The following MID2 variants were observed in gnomAD, a reference collection of about 807,000 sequenced individuals.
The protein encoded by MID2 is probable E3 ubiquitin-protein ligase MID2.
A neutral mutation model predicts 46.1 loss-of-function variants in MID2; 13 were observed. That is an observed-to-expected ratio of 0.28 (90% CI 0.18 to 0.45). MID2 has a LOEUF of 0.45. MID2 is among the 20% of genes least tolerant of loss of function. The probability of loss-of-function intolerance (pLI) is 1.00; values close to 1 mark genes in which losing one functional copy is unlikely to be tolerated. For synonymous variants in MID2, 199 were observed against 212.3 expected (o/e 0.94, Z 0.55); for missense variants, 431 against 575.4 (o/e 0.75, Z 2.57).
chrX:107,852,920 A>G (rs1305508992), intron 2 of MID2, among the ~76,000 whole-genome samples: 1 of 111,676 alleles, frequency 9.0e-6, no homozygotes, highest in Middle Eastern at 4.6e-3. Flanking sequence ...AGCACTTAAC[A>G]TGACTGAGGG....
intron 2 of MID2, among the ~76,000 whole-genome samples, chrX:107,849,354 A>T (rs1017611667): frequency 3.4e-4 from 38 of 111,486 alleles, no homozygotes; most frequent in African/African-American, 1.2e-3. Context: ...ATCATGGTCC[A>T]GTTTGTGCCA....
intron 1 of MID2, among the ~76,000 whole-genome samples, chrX:107,837,726 A>G (rs746386369): frequency 1.8e-5 from 2 of 111,197 alleles, no homozygotes; most frequent in Non-Finnish European, 1.9e-5. Flanking sequence ...CTGGGTATGT[A>G]TGTTTTTGGT....
At chrX:107,849,013 C>A (rs1255056830) in intron 2 of MID2, among the ~76,000 whole-genome samples, 1 of 111,633 alleles carries the variant, frequency 9.0e-6, no homozygotes, top group Non-Finnish European at 1.9e-5. Flanking sequence ...TTCTGTCAAT[C>A]AGGAAGACTC....
chrX:107,854,384 A>C (rs1470199455), intron 2 of MID2, among the ~76,000 whole-genome samples: 1 of 112,577 alleles, frequency 8.9e-6, no homozygotes, highest in Admixed American at 9.4e-5. Context: ...AAATTCCTAC[A>C]TCCACAAAGT....
chrX:107,862,119 A>T (rs1345893200), intron 3 of MID2, among the ~76,000 whole-genome samples: 2 of 111,842 alleles, frequency 1.8e-5, no homozygotes, highest in Admixed American at 1.9e-4. Flanking sequence ...AAAGCTCAAT[A>T]AACGGTGGTG....
rs111724867 is a variant in MID2, at chrX:107,910,835, T to C, written c.1074-5167T>C. Among the ~76,000 whole-genome samples the C allele has an allele frequency of 1.2e-4, 6 of 48,729 alleles. 1 individual carries two copies. The highest frequency in any genetic ancestry group is 9.4e-4 in the East Asian group (2 of 2,132). 42.3% of individuals were successfully genotyped at this position (48,729 alleles called of 115,157 possible). A position where few individuals can be genotyped will look rare whatever the true frequency, so the allele number is the denominator to read the frequency against. ...TTCCTTTCCTTTCCTTTCCTTTCCTTTCCCTCTCTCTTTCTCCCTCTCTCT... is the reference window on the plus strand; with the variant it reads ...TTCCTTTCCTTTCCTTTCCTTTCCTCTCCCTCTCTCTTTCTCCCTCTCTCT... On this transcript the variant is annotated intron_variant, in intron 5 of 9. Coordinates refer to ENST00000262843, the MANE Select transcript of MID2 (RefSeq NM_012216.4).
intron 3 of MID2, among the ~76,000 whole-genome samples, chrX:107,861,627 GACAA>G (rs1165623008): frequency 2.7e-5 from 3 of 112,034 alleles, no homozygotes; most frequent in African/African-American, 9.7e-5. Context: ...TCTCAAAACA[GACAA>G]ACAAACAAAC....
intron 3 of MID2, among the ~76,000 whole-genome samples, chrX:107,874,309 T>A (rs1358331982): frequency 8.9e-6 from 1 of 111,773 alleles, no homozygotes; most frequent in African/African-American, 3.3e-5. Context: ...GGCAGTTGTC[T>A]GTTAGCCAGA....
intron 3 of MID2, among the ~76,000 whole-genome samples, chrX:107,885,655 A>T (rs191536368): frequency 0.017 from 1,932 of 111,550 alleles, 50 homozygotes; most frequent in African/African-American, 0.059. Context: ...GATGGCTGGG[A>T]CAAATGGTAT....
intron 3 of MID2, among the ~76,000 whole-genome samples, chrX:107,889,936 A>T (rs1231611991): frequency 8.9e-6 from 1 of 111,933 alleles, no homozygotes; most frequent in East Asian, 2.8e-4. Flanking sequence ...TGCATTCATC[A>T]CATAGTTCTC....
chrX:107,851,850 A>G (rs1411612118), intron 2 of MID2, among the ~76,000 whole-genome samples: 2 of 95,190 alleles, frequency 2.1e-5, no homozygotes, highest in Non-Finnish European at 4.2e-5. Flanking sequence ...TTATTTCTTT[A>G]TACTTTTTAT....
At chrX:107,835,811 CTT>C (rs769447997) in intron 1 of MID2, among the ~76,000 whole-genome samples, 1 of 111,812 alleles carries the variant, frequency 8.9e-6, no homozygotes, top group Non-Finnish European at 1.9e-5. Context: ...TGTGGGTTGT[CTT>C]TTTACTTCAT....
chrX:107,889,250 G>A (rs1488292254), intron 3 of MID2, among the ~76,000 whole-genome samples: 1 of 111,658 alleles, frequency 9.0e-6, no homozygotes, highest in Non-Finnish European at 1.9e-5. Context: ...ATTTTGCAGT[G>A]GCTGGTACCG....
intron 1 of MID2, among the ~76,000 whole-genome samples, chrX:107,837,503 G>A (rs1346297766): frequency 9.6e-6 from 1 of 104,657 alleles, no homozygotes; most frequent in African/African-American, 3.6e-5. Flanking sequence ...AAGAGAGACA[G>A]AGAGAGATAA....
chrX:107,926,018 G>A (rs1226952860), intron 8 of MID2, 76 bp from the exon 9 acceptor site: 16 of 751,382 alleles, frequency 2.1e-5, no homozygotes, highest in Non-Finnish European at 3.0e-5. Context: ...TGCCAGTGAT[G>A]ATGCTGGTGG....
intron 1 of MID2, among the ~76,000 whole-genome samples, chrX:107,827,246 T>C (rs1930976831): frequency 9.0e-6 from 1 of 111,694 alleles, no homozygotes; most frequent in African/African-American, 3.3e-5. Flanking sequence ...CCTGCAGTCG[T>C]TGTACTCTTT....
At chrX:107,841,993 A>AAAAACAAAAC (rs1008321315) in intron 2 of MID2, among the ~76,000 whole-genome samples, 37 of 112,836 alleles carry the variant, frequency 3.3e-4, no homozygotes, top group Admixed American at 2.8e-4. Context: ...GCCTGCCTTT[A>AAAAACAAAAC]AAAACAAAAC....
intron 3 of MID2, among the ~76,000 whole-genome samples, chrX:107,864,287 C>T (rs746532804): frequency 8.9e-6 from 1 of 112,201 alleles, no homozygotes; most frequent in South Asian, 3.8e-4. Context: ...CTTATGTACT[C>T]CTGCCATTGG....
Position 107,826,310 on chromosome X carries a change from C to G in MID2, c.-117C>G. ...CGGCGGCCTACAGTGGTAGCGGCGG[C>G]GGCGGCGACCGGGGCCCGGGAGCTC... On this transcript the variant is annotated 5_prime_UTR_variant, in exon 1 of 10. Transcript: ENST00000262843. 1.2e-6 allele frequency: 1 copy of G among 864,522 alleles called. No homozygotes were observed. 71.2% of individuals were successfully genotyped at this position (864,522 alleles called of 1,213,427 possible). A position where few individuals can be genotyped will look rare whatever the true frequency, so the allele number is the denominator to read the frequency against.
Sources: allele counts gnomAD v4.1 joint callset (sites outside exome capture counted in the v4.1 genomes callset), GRCh38; gene constraint gnomAD v4.1.1; transcripts MANE v1.5; gene names NCBI Gene and HGNC (gene_info 2026-07-23, HGNC 2026-07-21).